Variants in GC observed in about 807,000 individuals in gnomAD.
The protein encoded by GC is vitamin D-binding protein.
GC carries 43 observed loss-of-function variants against 56.7 expected under a neutral mutation model. That is an observed-to-expected ratio of 0.76 (90% CI 0.59 to 0.98). GC has a LOEUF of 0.98. Ranked by LOEUF, GC falls within the 50% of genes least tolerant of loss-of-function variation. The probability of loss-of-function intolerance (pLI) is 0.00; values close to 1 mark genes in which losing one functional copy is unlikely to be tolerated. For missense variants in GC, 529 were observed against 545.9 expected (o/e 0.97, Z 0.31); for synonymous variants, 216 against 202.7 (o/e 1.07, Z -0.56).
At position 71,745,330 on chromosome 4, in the gene GC, A is replaced by G. The variant is rs904881632; in HGVS notation, c.*25+821T>C. Reference sequence around the variant, plus strand: ...TCAGACTGTTAATTTTCTTTTTTACAGCTTCAGAGGATTTAAATAATAGTT... The same window carrying G: ...TCAGACTGTTAATTTTCTTTTTTACGGCTTCAGAGGATTTAAATAATAGTT... On this transcript the variant is annotated intron_variant, in intron 12 of 12. Transcript: ENST00000273951. 2.0e-5 allele frequency among the ~76,000 whole-genome samples: 3 copies of G among 152,296 alleles called. 1 individual carries two copies. In the South Asian group the frequency reaches 6.2e-4, roughly 32 times the overall value.
At chr4:71,749,057 A>C (rs1741465745) in intron 11 of GC, among the ~76,000 whole-genome samples, 1 of 152,198 alleles carries the variant, frequency 6.6e-6, no homozygotes, top group Admixed American at 6.5e-5. Context: ...AAGTAAAGTC[A>C]GAAAGGAGGG....
intron 10 of GC, among the ~76,000 whole-genome samples, chr4:71,753,991 C>G (rs1741638501): frequency 6.6e-6 from 1 of 152,168 alleles, no homozygotes; most frequent in African/African-American, 2.4e-5. Flanking sequence ...CACCCACTTG[C>G]TACACATGAC....
chr4:71,760,646 C>A (rs1170531960), intron 6 of GC, among the ~76,000 whole-genome samples: 2 of 152,200 alleles, frequency 1.3e-5, no homozygotes, highest in African/African-American at 4.8e-5. Context: ...CAAATCTCAT[C>A]TTCAATTGTA....
chr4:71,747,495 A>C (rs1041778643), intron 11 of GC, among the ~76,000 whole-genome samples: 1 of 152,220 alleles, frequency 6.6e-6, no homozygotes, highest in African/African-American at 2.4e-5. Context: ...GGTGCTAAGT[A>C]AATTGTTTCA....
chr4:71,757,987 T>C, intron 7 of GC, 55 bp downstream of exon 7: 1 of 1,527,304 alleles, frequency 6.5e-7, no homozygotes. Context: ...TGCCACTCAG[T>C]ACTTGGCACT....
chr4:71,766,663 A>T (rs962290563), intron 3 of GC, among the ~76,000 whole-genome samples: 13 of 152,190 alleles, frequency 8.5e-5, no homozygotes, highest in Non-Finnish European at 1.8e-4. Context: ...TGAATTACTT[A>T]TGTAAACTAA....
intron 2 of GC, 80 bp downstream of exon 2, chr4:71,769,251 A>G: frequency 9.8e-7 from 1 of 1,021,170 alleles, no homozygotes; most frequent in Non-Finnish European, 1.5e-6. Context: ...ATTAACCTCC[A>G]TGCTGAGTCA....
intron 1 of GC, among the ~76,000 whole-genome samples, chr4:71,775,028 G>C (rs945623978): frequency 2.5e-4 from 17 of 68,978 alleles, no homozygotes; most frequent in Non-Finnish European, 4.6e-4. Flanking sequence ...TTTCTTCCCC[G>C]GCCCTTTTTT....
chr4:71,801,626 G>A (rs1365262051), intron 1 of GC, among the ~76,000 whole-genome samples: 1 of 152,026 alleles, frequency 6.6e-6, no homozygotes, highest in Non-Finnish European at 1.5e-5. Context: ...GTTTCTTATG[G>A]AAGAAACTCT....
intron 12 of GC, among the ~76,000 whole-genome samples, chr4:71,742,260 G>A (rs1217093031): frequency 6.6e-6 from 1 of 152,218 alleles, no homozygotes. Flanking sequence ...TGAGACAATA[G>A]TTGAGTAGTT....
intron 1 of GC, among the ~76,000 whole-genome samples, chr4:71,798,791 T>C (rs1224597486): frequency 6.6e-6 from 1 of 152,182 alleles, no homozygotes; most frequent in African/African-American, 2.4e-5. Context: ...CTTTCCACTA[T>C]AGATGGATGG....
At chr4:71,755,781 G>A (rs1416054354) in intron 8 of GC, among the ~76,000 whole-genome samples, 6 of 152,170 alleles carry the variant, frequency 3.9e-5, no homozygotes, top group Admixed American at 2.0e-4. Flanking sequence ...AGGCTTTTCT[G>A]TGAAAATTGG....
rs111392364 is a variant in GC, at chr4:71,763,926, C to G, written c.484G>C (p.Glu162Gln). Residue 162 changes from glutamate to glutamine, a missense_variant, in exon 5 of 13, where the codon GAA becomes CAA. Physicochemically the swap from Glu to Gln is conservative, Grantham distance 29 (BLOSUM62 2). Transcript: ENST00000273951. The part of the protein sequence containing the change: ...PKEYANQFMW[E>Q]YSTNYGQAPL... Reference sequence around the variant, plus strand: ...GCTTGTCCGTAATTAGTGGAATATTCCCACATAAATCTGTGGAGGAAAAAA... The same window carrying G: ...GCTTGTCCGTAATTAGTGGAATATTGCCACATAAATCTGTGGAGGAAAAAA... 1 of 1,609,658 alleles carries G rather than the reference C, an allele frequency of 6.2e-7. No homozygotes were observed. Among genetic ancestry groups the G allele is most frequent in the Non-Finnish European group, 8.5e-7 (1 of 1,176,850 alleles).
intron 11 of GC, among the ~76,000 whole-genome samples, chr4:71,746,527 C>T (rs1741370580): frequency 6.6e-6 from 1 of 151,904 alleles, no homozygotes; most frequent in Admixed American, 6.6e-5. Flanking sequence ...GAAGAATTCT[C>T]AGCGGAGCAG....
chr4:71,800,944 T>A (rs1255618953), intron 1 of GC, among the ~76,000 whole-genome samples: 1 of 152,160 alleles, frequency 6.6e-6, no homozygotes, highest in Non-Finnish European at 1.5e-5. Context: ...GATTTTTAGA[T>A]ACGATACCAA....
chr4:71,767,849 T>A (rs1004069258), intron 3 of GC, among the ~76,000 whole-genome samples: 2 of 151,926 alleles, frequency 1.3e-5, no homozygotes, highest in Non-Finnish European at 2.9e-5. Context: ...GTCCATTATA[T>A]CCTTCTTATG....
chr4:71,779,083 G>A (rs1742595848), intron 1 of GC, among the ~76,000 whole-genome samples: 1 of 151,502 alleles, frequency 6.6e-6, no homozygotes, highest in South Asian at 2.1e-4. Flanking sequence ...AATCTTTAAG[G>A]AACCTGAGTC....
intron 1 of GC, 75 bp from the exon 2 acceptor site, chr4:71,769,475 T>C: frequency 1.0e-6 from 1 of 966,458 alleles, no homozygotes. Flanking sequence ...ATGTATAAAG[T>C]GATCTTCCAC....
At chr4:71,744,106 G>T (rs1365093116) in intron 12 of GC, among the ~76,000 whole-genome samples, 1 of 151,986 alleles carries the variant, frequency 6.6e-6, no homozygotes, top group Non-Finnish European at 1.5e-5. Flanking sequence ...TCATTAGCTT[G>T]TCACTGACAA....
Sources: allele counts gnomAD v4.1 joint callset (sites outside exome capture counted in the v4.1 genomes callset), GRCh38; gene constraint gnomAD v4.1.1; transcripts MANE v1.5; gene names NCBI Gene and HGNC (gene_info 2026-07-23, HGNC 2026-07-21).